Variants in MAPK10 observed in about 807,000 individuals in gnomAD.
MAPK10 encodes the protein JNK3 alpha protein kinase.
A neutral mutation model predicts 59.3 loss-of-function variants in MAPK10; 25 were observed. The ratio of observed to expected loss-of-function variants is 0.42; its 90% CI spans 0.31 to 0.59. The LOEUF is 0.59. Among genes scored for constraint, MAPK10 ranks in the 20% least tolerant of loss-of-function variants. The pLI is 0.15. For missense variants in MAPK10, 351 were observed against 568.9 expected, an observed-to-expected ratio of 0.62 and a Z score of 3.90; for synonymous variants, 190 against 200.5, an observed-to-expected ratio of 0.95 and a Z score of 0.44.
chr4:86,561,852 T>C (rs1414725244), intron 1 of MAPK10, among the ~76,000 whole-genome samples: 2 of 152,208 alleles, frequency 1.3e-5, no homozygotes, highest in African/African-American at 2.4e-5. Context: ...ATAAACTGTT[T>C]CTTCTTTTGC....
intron 2 of MAPK10, among the ~76,000 whole-genome samples, chr4:86,216,302 A>AG (rs2087603322): frequency 7.4e-6 from 1 of 134,574 alleles, no homozygotes; most frequent in Non-Finnish European, 1.5e-5. Context: ...TAGCATATAT[A>AG]TATATATATA....
chr4:86,210,013 C>T (rs1465287866), intron 2 of MAPK10, among the ~76,000 whole-genome samples: 1 of 152,020 alleles, frequency 6.6e-6, no homozygotes, highest in Non-Finnish European at 1.5e-5. Flanking sequence ...CTGCCAAGAA[C>T]ATACATTGGG....
rs1553900779 is a variant in MAPK10, at chr4:86,014,303, G to GT, written c.*2924_*2925insA. On this transcript the variant is annotated 3_prime_UTR_variant, in exon 14 of 14. Transcript: ENST00000641462. ...AGGTGACTATTTAAGAAATATTTGGGGTGTGTGTGTGTGTGTGTGTGTGTG... is the reference window on the plus strand; with the variant it reads ...AGGTGACTATTTAAGAAATATTTGGGTGTGTGTGTGTGTGTGTGTGTGTGTG... The GT allele has an allele frequency of 0.015, 2,146 of 143,994 alleles. 19 individuals are homozygous for GT. Among genetic ancestry groups the GT allele is most frequent in the Middle Eastern group, 0.042 (12 of 286 alleles). The allele number at this position is 143,994 out of a possible 1,614,324, so 8.9% of individuals were successfully genotyped here.
At chr4:86,288,945 C>A (rs1377212979) in intron 2 of MAPK10, among the ~76,000 whole-genome samples, 8 of 150,220 alleles carry the variant, frequency 5.3e-5, no homozygotes, top group African/African-American at 1.9e-4. Flanking sequence ...AAAAAAAAGA[C>A]CTTGCCCTAA....
chr4:86,145,114 T>C (rs955040987), intron 4 of MAPK10, among the ~76,000 whole-genome samples: 7 of 152,192 alleles, frequency 4.6e-5, no homozygotes, highest in Non-Finnish European at 1.0e-4. Flanking sequence ...CTGGGTCCAG[T>C]GATCTTTTCT....
chr4:86,110,279 T>C (rs2057272509), intron 4 of MAPK10, among the ~76,000 whole-genome samples: 1 of 152,208 alleles, frequency 6.6e-6, no homozygotes, highest in African/African-American at 2.4e-5. Flanking sequence ...CTTTTGCCAT[T>C]TTCATCAGGA....
intron 2 of MAPK10, among the ~76,000 whole-genome samples, chr4:86,214,773 TA>T (rs937393586): frequency 6.6e-6 from 1 of 151,988 alleles, no homozygotes; most frequent in Non-Finnish European, 1.5e-5. Flanking sequence ...TTAAAAGGCA[TA>T]AAAAATAGAA....
At chr4:86,315,464 T>C (rs1486172634) in intron 2 of MAPK10, among the ~76,000 whole-genome samples, 19 of 152,140 alleles carry the variant, frequency 1.2e-4, no homozygotes, top group Admixed American at 1.2e-3. Context: ...CTTTCCATGA[T>C]GTGATTATTA....
intron 9 of MAPK10, among the ~76,000 whole-genome samples, chr4:86,076,031 C>G (rs1280679081): frequency 6.6e-6 from 1 of 151,980 alleles, no homozygotes; most frequent in Admixed American, 6.6e-5. Context: ...GACTGCTGTG[C>G]TAGCAATCAG....
intron 1 of MAPK10, chr4:86,358,195 CAT>C: frequency 1.0e-6 from 1 of 983,196 alleles, no homozygotes; most frequent in Non-Finnish European, 1.2e-6. Flanking sequence ...ATATTTGTAA[CAT>C]ATATGCTCAC....
At chr4:86,033,705 C>G (rs1160708167) in intron 11 of MAPK10, among the ~76,000 whole-genome samples, 1 of 152,216 alleles carries the variant, frequency 6.6e-6, no homozygotes, top group Non-Finnish European at 1.5e-5. Context: ...CTTTAAACCA[C>G]TTGATTTATA....
chr4:86,124,829 C>T (rs1027454817), intron 4 of MAPK10: 17 of 151,746 alleles, frequency 1.1e-4, no homozygotes, highest in African/African-American at 3.9e-4. Context: ...ATATTCTGTG[C>T]AGGATTGAAA....
chr4:86,515,973 G>T (rs954054325), intron 1 of MAPK10, among the ~76,000 whole-genome samples: 4 of 151,752 alleles, frequency 2.6e-5, no homozygotes, highest in Non-Finnish European at 5.9e-5. Context: ...ATGTCTAGAA[G>T]AATTTTTCCA....
intron 1 of MAPK10, among the ~76,000 whole-genome samples, chr4:86,504,235 C>G (rs982498232): frequency 1.6e-4 from 25 of 152,100 alleles, no homozygotes; most frequent in Non-Finnish European, 1.9e-4. Flanking sequence ...AAAGAGCATA[C>G]TGCACTTAAT....
Position 86,437,082 on chromosome 4 carries a change from C to G in MAPK10, c.-122+15948G>C, listed in dbSNP as rs539636599. Among the ~76,000 whole-genome samples the G allele has an allele frequency of 6.6e-5, 10 of 152,040 alleles. No individual in the cohort carries two copies. The South Asian group carries it at 1.7e-3, about 25-fold the overall frequency. On this transcript the variant is annotated intron_variant, in intron 1 of 13. Coordinates refer to the MAPK10 transcript ENST00000361569. ...AAAAAAAATAAGCCAGGCGTGGTGG[C>G]AGGCACCTGTAGTCCCAGCTACTCG...
intron 2 of MAPK10, among the ~76,000 whole-genome samples, chr4:86,335,613 GT>G (rs374271581): frequency 0.01 from 1,517 of 148,292 alleles, 17 homozygotes; most frequent in African/African-American, 0.035. Flanking sequence ...TACTGTATTA[GT>G]TTTTTTTTTC....
chr4:86,509,187 G>A (rs1756020676), intron 1 of MAPK10, among the ~76,000 whole-genome samples: 1 of 151,954 alleles, frequency 6.6e-6, no homozygotes, highest in Non-Finnish European at 1.5e-5. Context: ...TCAAATTAAT[G>A]GCTTTACAAA....
chr4:86,397,750 A>G (rs1310127545), intron 1 of MAPK10, among the ~76,000 whole-genome samples: 1 of 151,540 alleles, frequency 6.6e-6, no homozygotes, highest in Admixed American at 6.6e-5. Context: ...TTTGCACTCA[A>G]TCTATTCAAA....
At chr4:86,101,678 T>C (rs1389774106) in intron 7 of MAPK10, among the ~76,000 whole-genome samples, 1 of 152,194 alleles carries the variant, frequency 6.6e-6, no homozygotes, top group Non-Finnish European at 1.5e-5. Context: ...TCTAAGAAGC[T>C]GCATCTCAAT....
Sources: gnomAD v4.1 joint callset for allele counts (sites outside exome capture counted in the v4.1 genomes callset) on GRCh38, gnomAD v4.1.1 for gene constraint, MANE v1.5 for transcripts, NCBI Gene and HGNC (gene_info 2026-07-23, HGNC 2026-07-21) for gene names.